MAP3K4: variants seen among roughly 807,000 people sequenced by gnomAD.
The protein encoded by MAP3K4 is mitogen-activated protein kinase kinase kinase 4.
Under a neutral mutation model 185.6 loss-of-function variants are expected in MAP3K4, and 67 were observed. The ratio of observed to expected loss-of-function variants is 0.36; its 90% CI spans 0.30 to 0.44. The LOEUF (loss-of-function observed/expected upper bound fraction) is 0.44, where lower values mean the gene tolerates loss of function less well. Among genes scored for constraint, MAP3K4 ranks in the 20% least tolerant of loss-of-function variants. The pLI, the probability that MAP3K4 is intolerant of heterozygous loss-of-function variation, is 1.00. For missense variants in MAP3K4, 1,551 were observed against 1,995.1 expected, an observed-to-expected ratio of 0.78 and a Z score of 4.24; for synonymous variants, 702 against 710.4, an observed-to-expected ratio of 0.99 and a Z score of 0.19.
chr6:161,089,253 G>A, intron 10 of MAP3K4, 69 bp from the exon 11 acceptor site: 1 of 1,514,944 alleles, frequency 6.6e-7, no homozygotes, highest in Non-Finnish European at 8.9e-7. Context: ...TTTTTGGACT[G>A]GTGTTGAACT....
chr6:161,057,679 A>C (rs183256300), intron 3 of MAP3K4, among the ~76,000 whole-genome samples: 57 of 152,284 alleles, frequency 3.7e-4, no homozygotes, highest in African/African-American at 1.3e-3. Context: ...ATTAGGCTCC[A>C]GTGCTCTTCC....
Position 161,084,709 on chromosome 6 carries a change from ATTGTG to A in MAP3K4, c.2372+96_2372+100del. Reference sequence around the variant, plus strand: ...CTAGAAGGAGCCTTGTTCAAACCAAATTGTGTTGGCCTGGAAGAATTTGGGCAGTA... The same window carrying A: ...CTAGAAGGAGCCTTGTTCAAACCAAATTGGCCTGGAAGAATTTGGGCAGTA... On this transcript the variant is annotated intron_variant, in intron 7 of 26. Coordinates refer to ENST00000392142, the MANE Select transcript of MAP3K4 (RefSeq NM_005922.4). This position sits in a 1 kb window ranked among gnomAD's most constrained non-coding sequence, Gnocchi z 4.6. The A allele has an allele frequency of 1.4e-6, 1 of 697,552 alleles. No homozygotes were observed. Among genetic ancestry groups the A allele is most frequent in the Non-Finnish European group, 2.6e-6 (1 of 389,784 alleles). The allele number at this position is 697,552 out of a possible 1,614,324, so 43.2% of individuals were successfully genotyped here.
chr6:161,085,862 T>G (rs564174614), intron 7 of MAP3K4, among the ~76,000 whole-genome samples: 1 of 152,314 alleles, frequency 6.6e-6, no homozygotes, highest in Admixed American at 6.5e-5. Context: ...TTCTCCCGGC[T>G]TGAGAGAGCT....
chr6:161,092,697 C>A (rs1777381338), intron 13 of MAP3K4, among the ~76,000 whole-genome samples: 1 of 152,148 alleles, frequency 6.6e-6, no homozygotes, highest in Non-Finnish European at 1.5e-5. Flanking sequence ...CTCATAAATA[C>A]TTGTTGAATT....
At chr6:161,090,433 C>T (rs560217568) in intron 11 of MAP3K4, among the ~76,000 whole-genome samples, 1 of 150,782 alleles carries the variant, frequency 6.6e-6, no homozygotes, top group East Asian at 1.9e-4. Context: ...GGCCGTCCTG[C>T]GCATTGTAGG....
rs1159514467 is a variant in MAP3K4 at position 161,071,673 on chromosome 6, AC to A, written c.1950+824del. On this transcript the variant is annotated intron_variant, in intron 4 of 26. Coordinates refer to ENST00000392142, the MANE Select transcript of MAP3K4 (RefSeq NM_005922.4). This position sits in a 1 kb window ranked among gnomAD's most constrained non-coding sequence, Gnocchi z 4.6. ...GTTTAATTAGGAGTAGAATAGAATG[AC>A]TAATGAAAGTCATTTGGAGATTGTC... is the stretch of plus-strand genomic sequence containing the variant. 6.6e-6 allele frequency among the ~76,000 whole-genome samples: 1 copy of A among 152,146 alleles called. No individual in the cohort carries two copies. The highest frequency in any genetic ancestry group is 1.5e-5 in the Non-Finnish European group (1 of 68,032).
chr6:161,029,312 G>A (rs1242502619), intron 1 of MAP3K4, among the ~76,000 whole-genome samples: 1 of 152,232 alleles, frequency 6.6e-6, no homozygotes, highest in East Asian at 1.9e-4. Flanking sequence ...CATCTAATCC[G>A]ACTTCATCAT....
chr6:161,087,720 G>A lies in MAP3K4; in HGVS notation c.2589G>A (p.Met863Ile). The change falls in exon 10 of 27, where the codon ATG becomes ATA. Residue 863 changes from methionine to isoleucine, a missense_variant. Met to Ile is a conservative substitution (Grantham distance 10). Transcript: ENST00000392142. The surrounding 1 kb of genome is among the most constrained non-coding windows in gnomAD (Gnocchi z 4.9). ...TTCCTGGGTTAGAAAACTTGCAAAT[G>A]TTTGTTCCAGACACTCTTGCTGAGG... The part of the protein sequence containing the change: ...VQIPGLENLQ[M>I]FVPDTLAEEK... 6.2e-7 allele frequency: 1 copy of A among 1,614,138 alleles called. No homozygotes were observed. Among genetic ancestry groups the A allele is most frequent in the Non-Finnish European group, 8.5e-7 (1 of 1,180,026 alleles).
rs1421285542 is a variant in MAP3K4 at position 161,086,741 on chromosome 6, T to A, written c.2556+74T>A. 8.2e-7 allele frequency: 1 copy of A among 1,213,814 alleles called. No individual in the cohort carries two copies. The highest frequency in any genetic ancestry group is 1.2e-6 in the Non-Finnish European group (1 of 840,196). The allele number at this position is 1,213,814 out of a possible 1,614,324, so 75.2% of individuals were successfully genotyped here. ...ATTCTAAAACAGGCAGACTTTTTCT[T>A]GAAGGTCCAGATAGTAAATATTACA... On this transcript the variant is annotated intron_variant, in intron 9 of 26. Transcript: ENST00000392142. This position sits in a 1 kb window ranked among gnomAD's most constrained non-coding sequence, Gnocchi z 4.8.
Position 161,112,238 on chromosome 6 carries a change from A to C in MAP3K4, c.4519+280A>C, listed in dbSNP as rs1054568851. 6.6e-6 allele frequency among the ~76,000 whole-genome samples: 1 copy of C among 152,180 alleles called. No homozygotes were observed. Among genetic ancestry groups the C allele is most frequent in the African/African-American group, 2.4e-5 (1 of 41,448 alleles). ...TTGCATTGTTTTTCTTAAAACTTAA[A>C]AAATGTAGACATTGTTTGTGCTCTG... On this transcript the variant is annotated intron_variant, in intron 24 of 26. Transcript: ENST00000392142. This position sits in a 1 kb window ranked among gnomAD's most constrained non-coding sequence, Gnocchi z 5.1.
rs920083132 is a variant in MAP3K4, at chr6:161,067,525, C to G, written c.1708-3083C>G. Among the ~76,000 whole-genome samples, 1 of 152,154 alleles carries G rather than the reference C, an allele frequency of 6.6e-6. No homozygotes were observed. The highest frequency in any genetic ancestry group is 2.4e-5 in the African/African-American group (1 of 41,432). On this transcript the variant is annotated intron_variant, in intron 3 of 26. Transcript: ENST00000392142. This position sits in a 1 kb window ranked among gnomAD's most constrained non-coding sequence, Gnocchi z 6.3. ...TATTTTAGTGGTTATTTTAGAAATTCTTGCCTGTTAGGGAAACCCAGGTGT... is the reference window on the plus strand; with the variant it reads ...TATTTTAGTGGTTATTTTAGAAATTGTTGCCTGTTAGGGAAACCCAGGTGT...
At position 161,048,738 on chromosome 6, in the gene MAP3K4, G is replaced by T. The variant is rs745336443; in HGVS notation, c.466G>T (p.Asp156Tyr). ...IRAALRTTER[D>Y]RKKNVQCSFM... is the part of the protein sequence containing the mutation. ...AGCAGCTCTTAGAACAACAGAGCGT[G>T]ATCGTAAAAAAAATGTACAGTGCTC... is the stretch of plus-strand genomic sequence containing the variant. Residue 156 changes from aspartate (D) to tyrosine (Y), a missense_variant, in exon 3 of 27, where the codon GAT (aspartate) becomes TAT (tyrosine). Asp to Tyr is a radical substitution (Grantham distance 160). Coordinates refer to ENST00000392142, the MANE Select transcript of MAP3K4 (RefSeq NM_005922.4). The surrounding 1 kb of genome is among the most constrained non-coding windows in gnomAD (Gnocchi z 4.7). The T allele has an allele frequency of 2.5e-6, 4 of 1,613,996 alleles. No homozygotes were observed. Among genetic ancestry groups the T allele is most frequent in the African/African-American group, 1.3e-5 (1 of 74,990 alleles).
rs1480523173 is a variant in MAP3K4, at chr6:161,089,423, G to C, written c.2925G>C (p.Glu975Asp). The C allele has an allele frequency of 6.2e-7, 1 of 1,614,212 alleles. No individual in the cohort carries two copies. Among genetic ancestry groups the C allele is most frequent in the South Asian group, 1.1e-5 (1 of 91,080 alleles). The change falls in exon 11 of 27, where the codon GAG becomes GAC. Residue 975 changes from glutamate (E) to aspartate (D), a missense_variant. By Grantham distance (45) the Glu-to-Asp change is conservative. Around this residue, in one of 16 missense-constraint regions of MAP3K4, gnomAD observed 261 missense variants for 306.5 expected, o/e 0.85. Transcript: ENST00000392142. ...AGGGACTTATGACTCTGTGCCAGGA[G>C]CAGACATCCAGTCAGCCGGTCATCG... The part of the protein sequence containing the change: ...SIEGLMTLCQ[E>D]QTSSQPVIAK...
At chr6:161,029,696 T>A (rs1410957324) in intron 1 of MAP3K4, among the ~76,000 whole-genome samples, 1 of 152,208 alleles carries the variant, frequency 6.6e-6, no homozygotes, top group Non-Finnish European at 1.5e-5. Flanking sequence ...ATGTAAACAT[T>A]CTGAACTGGT....
In MAP3K4 at chr6:161,109,123, G is replaced by A; in HGVS notation, c.4236+264G>A. 6.4e-6 allele frequency: 6 copies of A among 944,564 alleles called. No individual in the cohort carries two copies. The African/African-American group carries it at 6.5e-5, about 10-fold the overall frequency. The allele number at this position is 944,564 out of a possible 1,614,324, so 58.5% of individuals were successfully genotyped here. A position where few individuals can be genotyped will look rare whatever the true frequency, so the allele number is the denominator to read the frequency against. Reference sequence around the variant, plus strand: ...GCCATTCAGAAGATTCTTCTAAAACGCCCCTTACACCACTTCTTGTGACTT... The same window carrying A: ...GCCATTCAGAAGATTCTTCTAAAACACCCCTTACACCACTTCTTGTGACTT... On this transcript the variant is annotated intron_variant, in intron 22 of 26. Coordinates refer to ENST00000392142, the MANE Select transcript of MAP3K4 (RefSeq NM_005922.4). This position sits in a 1 kb window ranked among gnomAD's most constrained non-coding sequence, Gnocchi z 5.7.
intron 6 of MAP3K4, 89 bp downstream of exon 6, chr6:161,081,127 G>A (rs1009148968): frequency 5.7e-6 from 8 of 1,393,582 alleles, no homozygotes; most frequent in South Asian, 2.7e-5. Flanking sequence ...GTGTTTGTAT[G>A]TTTAGTTACA....
Position 161,112,892 on chromosome 6 carries a change from T to C in MAP3K4, c.4626+118T>C, listed in dbSNP as rs1778415570. The C allele has an allele frequency of 3.7e-6, 2 of 544,742 alleles. No homozygotes were observed. The highest frequency in any genetic ancestry group is 3.9e-5 in the African/African-American group (2 of 51,908). The allele number at this position is 544,742 out of a possible 1,614,324, so 33.7% of individuals were successfully genotyped here. A position where few individuals can be genotyped will look rare whatever the true frequency, so the allele number is the denominator to read the frequency against. On this transcript the variant is annotated intron_variant, in intron 25 of 26. Coordinates refer to ENST00000392142, the MANE Select transcript of MAP3K4 (RefSeq NM_005922.4). This position sits in a 1 kb window ranked among gnomAD's most constrained non-coding sequence, Gnocchi z 5.1. ...ACTGTGGACACTAAATAGCGAACGA[T>C]ATTAGATACAAAAATCTGATCCATC...
rs1317805721 is a variant in MAP3K4 at position 161,089,319 on chromosome 6, C to T, written c.2824-3C>T. On this transcript the variant is annotated splice_region_variant and splice_polypyrimidine_tract_variant and intron_variant, in intron 10 of 26. Coordinates refer to ENST00000392142, the MANE Select transcript of MAP3K4 (RefSeq NM_005922.4). ...TATGTCCTGTGCTTGATTTTCCTCC[C>T]AGGTGGATAATCTTTTACTAGTTGT... 2.5e-6 allele frequency: 4 copies of T among 1,611,046 alleles called. No individual in the cohort carries two copies. Among genetic ancestry groups the T allele is most frequent in the South Asian group, 1.1e-5 (1 of 90,434 alleles).
At chr6:161,039,193 C>T (rs1783321613) in intron 2 of MAP3K4, among the ~76,000 whole-genome samples, 1 of 145,650 alleles carries the variant, frequency 6.9e-6, no homozygotes, top group South Asian at 2.2e-4. Flanking sequence ...TTAACTGCTA[C>T]ATGCATTCAT....
Sources: gnomAD v4.1 joint callset for allele counts (sites outside exome capture counted in the v4.1 genomes callset) on GRCh38, gnomAD v4.1.1 for gene constraint, gnomAD v4.1.1 regional missense constraint, Gnocchi (gnomAD v3.1) non-coding constraint, MANE v1.5 for transcripts, NCBI Gene and HGNC (gene_info 2026-07-23, HGNC 2026-07-21) for gene names.